ASAP2: variants seen among roughly 807,000 people sequenced by gnomAD.
ASAP2 encodes arf-GAP with SH3 domain, ANK repeat and PH domain-containing protein 2.
A neutral mutation model predicts 131.4 loss-of-function variants in ASAP2; 45 were observed. The ratio of observed to expected loss-of-function variants is 0.34; its 90% CI spans 0.27 to 0.44. The LOEUF (loss-of-function observed/expected upper bound fraction) is 0.44, where lower values mean the gene tolerates loss of function less well. Among genes scored for constraint, ASAP2 ranks in the 20% least tolerant of loss-of-function variants. The pLI is 1.00. For synonymous variants in ASAP2, 510 were observed against 503.0 expected (o/e 1.01, Z -0.19); for missense variants, 1,011 against 1,297.0 (o/e 0.78, Z 3.39).
rs964061025 is a variant in ASAP2 at position 9,217,043 on chromosome 2, C to G, written c.126+9813C>G. Among the ~76,000 whole-genome samples the G allele has an allele frequency of 1.3e-5, 2 of 152,156 alleles. No individual in the cohort carries two copies. Among genetic ancestry groups the G allele is most frequent in the Non-Finnish European group, 2.9e-5 (2 of 68,026 alleles). On this transcript the variant is annotated intron_variant, in intron 1 of 27. Coordinates refer to ENST00000281419, the MANE Select transcript of ASAP2 (RefSeq NM_003887.3). This position sits in a 1 kb window ranked among gnomAD's most constrained non-coding sequence, Gnocchi z 4.0. Reference sequence around the variant, plus strand: ...CAAAATTAGGCCACGGTACCAAGTTCATGGAGCTTGGAGGTGATGAAGCCA... The same window carrying G: ...CAAAATTAGGCCACGGTACCAAGTTGATGGAGCTTGGAGGTGATGAAGCCA...
rs1671815175 is a variant in ASAP2, at chr2:9,344,451, G to T, written c.850-81G>T. The T allele has an allele frequency of 4.4e-6, 5 of 1,144,454 alleles. No homozygotes were observed. In the Admixed American group the frequency reaches 6.9e-5, roughly 16 times the overall value. The allele number at this position is 1,144,454 out of a possible 1,614,324, so 70.9% of individuals were successfully genotyped here. ...TGTTGTTAAAAAAAAAACACATTAG[G>T]CATAAGTTTCCTTTGTGTACTGCTT... On this transcript the variant is annotated intron_variant, in intron 9 of 27. Transcript: ENST00000281419.
intron 1 of ASAP2, among the ~76,000 whole-genome samples, chr2:9,251,153 C>T (rs994006414): frequency 4.6e-5 from 7 of 152,136 alleles, no homozygotes; most frequent in African/African-American, 9.7e-5. Flanking sequence ...GTAAACAGAT[C>T]GCGAAGGAGA....
At chr2:9,317,336 C>A (rs118203078) in intron 3 of ASAP2, among the ~76,000 whole-genome samples, 22 of 148,810 alleles carry the variant, frequency 1.5e-4, no homozygotes, top group Middle Eastern at 3.4e-3. Flanking sequence ...CATATCTTCA[C>A]TCACACACAC....
intron 3 of ASAP2, among the ~76,000 whole-genome samples, chr2:9,315,291 C>A (rs528003113): frequency 6.6e-6 from 1 of 152,248 alleles, no homozygotes; most frequent in East Asian, 1.9e-4. Flanking sequence ...GACTAGGAAG[C>A]GGCAGCAGGG....
chr2:9,223,438 C>T (rs1662562072), intron 1 of ASAP2, among the ~76,000 whole-genome samples: 1 of 152,156 alleles, frequency 6.6e-6, no homozygotes, highest in Non-Finnish European at 1.5e-5. Flanking sequence ...ATGCAGGCTT[C>T]ATTTTTGCCC....
chr2:9,394,347 G>A (rs1675953833), intron 24 of ASAP2, among the ~76,000 whole-genome samples: 1 of 151,878 alleles, frequency 6.6e-6, no homozygotes, highest in Non-Finnish European at 1.5e-5. Context: ...TGTATTTCTA[G>A]TAGAGACGAG....
At chr2:9,235,375 G>T (rs1336382271) in intron 1 of ASAP2, among the ~76,000 whole-genome samples, 1 of 152,200 alleles carries the variant, frequency 6.6e-6, no homozygotes, top group African/African-American at 2.4e-5. Flanking sequence ...CAGCCCTGGT[G>T]GGTGGCACCC....
intron 15 of ASAP2, among the ~76,000 whole-genome samples, chr2:9,366,524 C>G (rs1673487753): frequency 6.6e-6 from 1 of 152,226 alleles, no homozygotes; most frequent in African/African-American, 2.4e-5. Context: ...GGATCTGACA[C>G]CAGCTGCCTG....
chr2:9,353,553 T>TA (rs33912331), intron 12 of ASAP2, among the ~76,000 whole-genome samples: 2,924 of 145,624 alleles, frequency 0.02, 32 homozygotes, highest in Non-Finnish European at 0.029. Flanking sequence ...CAAGACTGTC[T>TA]AAAAAAAAAA....
At chr2:9,341,779 G>A (rs1177917913) in intron 9 of ASAP2, among the ~76,000 whole-genome samples, 6 of 152,118 alleles carry the variant, frequency 3.9e-5, no homozygotes, top group Admixed American at 6.5e-5. Flanking sequence ...TTTTGGTGCC[G>A]ATGTTCCGCC....
chr2:9,382,931 G>A (rs1674979923), intron 20 of ASAP2, among the ~76,000 whole-genome samples: 1 of 152,208 alleles, frequency 6.6e-6, no homozygotes, highest in Admixed American at 6.5e-5. Flanking sequence ...TGGCTGAGCG[G>A]TGGGAGGACA....
intron 1 of ASAP2, among the ~76,000 whole-genome samples, chr2:9,273,847 A>G (rs886420916): frequency 2.6e-5 from 4 of 152,234 alleles, no homozygotes; most frequent in African/African-American, 9.6e-5. Flanking sequence ...CTCCAGCTGC[A>G]TGACTCCTAA....
chr2:9,257,812 C>T (rs899216755), intron 1 of ASAP2, among the ~76,000 whole-genome samples: 1 of 152,162 alleles, frequency 6.6e-6, no homozygotes, highest in Non-Finnish European at 1.5e-5. Flanking sequence ...ATGTGAGCCA[C>T]GGTGCCTGGC....
chr2:9,212,519 G>A (rs12622238), intron 1 of ASAP2, among the ~76,000 whole-genome samples: 78,714 of 151,926 alleles, frequency 0.52, 21,312 homozygotes, highest in East Asian at 0.92. Context: ...GTGGTGGCCA[G>A]CTCGGCGTCT....
chr2:9,304,947 T>C (rs1234290870), intron 3 of ASAP2, among the ~76,000 whole-genome samples: 1 of 148,122 alleles, frequency 6.8e-6, no homozygotes, highest in Non-Finnish European at 1.5e-5. Context: ...GGTATAGATA[T>C]TGGCGGAGGG....
chr2:9,360,933 T>C (rs1673036652), intron 15 of ASAP2, among the ~76,000 whole-genome samples: 1 of 152,228 alleles, frequency 6.6e-6, no homozygotes, highest in Non-Finnish European at 1.5e-5. Flanking sequence ...TATAATTTTT[T>C]AAATGTGTCT....
chr2:9,285,895 C>T (rs1004001884), intron 2 of ASAP2, among the ~76,000 whole-genome samples: 1 of 152,160 alleles, frequency 6.6e-6, no homozygotes, highest in Admixed American at 6.5e-5. Context: ...AAATCCTTAC[C>T]ATCTCCCACA....
intron 7 of ASAP2, among the ~76,000 whole-genome samples, chr2:9,334,329 T>A (rs985662002): frequency 1.3e-5 from 2 of 151,932 alleles, no homozygotes; most frequent in Non-Finnish European, 2.9e-5. Context: ...ACCCTGGGAT[T>A]ATAGGCATGA....
chr2:9,227,542 G>T (rs562871247), intron 1 of ASAP2, among the ~76,000 whole-genome samples: 16 of 152,116 alleles, frequency 1.1e-4, no homozygotes, highest in Non-Finnish European at 1.9e-4. Flanking sequence ...GTGGGACAGG[G>T]CTCATGCACA....
Sources: gnomAD v4.1 joint callset for allele counts (sites outside exome capture counted in the v4.1 genomes callset) on GRCh38, gnomAD v4.1.1 for gene constraint, Gnocchi (gnomAD v3.1) non-coding constraint, MANE v1.5 for transcripts, NCBI Gene and HGNC (gene_info 2026-07-23, HGNC 2026-07-21) for gene names.